Variants in SORCS1 observed in about 807,000 individuals in gnomAD.
SORCS1 encodes VPS10 domain-containing receptor SorCS1.
Under a neutral mutation model 146.1 loss-of-function variants are expected in SORCS1, and 60 were observed. That is an observed-to-expected ratio of 0.41 (90% CI 0.33 to 0.51). The LOEUF is 0.51. SORCS1 is among the 20% of genes least tolerant of loss of function. The pLI is 0.21. For synonymous variants in SORCS1, 637 were observed against 584.0 expected, an observed-to-expected ratio of 1.09 and a Z score of -1.31; for missense variants, 1,352 against 1,487.6, an observed-to-expected ratio of 0.91 and a Z score of 1.50.
At chr10:107,107,587 A>G (rs1461089115) in intron 1 of SORCS1, among the ~76,000 whole-genome samples, 5 of 152,206 alleles carry the variant, frequency 3.3e-5, no homozygotes, top group Non-Finnish European at 7.3e-5. Flanking sequence ...GTGGAATAAG[A>G]GCTCACCTAA....
intron 6 of SORCS1, among the ~76,000 whole-genome samples, chr10:106,711,229 TA>T (rs1444106111): frequency 7.9e-5 from 12 of 152,204 alleles, no homozygotes; most frequent in African/African-American, 2.4e-4. Flanking sequence ...CTTTTGAGTA[TA>T]AAAAAGGAGT....
chr10:107,136,132 G>C (rs1186183146), intron 1 of SORCS1, among the ~76,000 whole-genome samples: 1 of 151,942 alleles, frequency 6.6e-6, no homozygotes. Flanking sequence ...AAAAAATTGG[G>C]GAAGAAAAAA....
upstream of SORCS1, among the ~76,000 whole-genome samples, chr10:107,168,283 G>C (rs761513308): frequency 6.6e-6 from 1 of 152,126 alleles, no homozygotes; most frequent in Non-Finnish European, 1.5e-5. Context: ...CAACCTTAGA[G>C]AGACTTTTCC....
chr10:106,667,656 T>G (rs1018913144), intron 17 of SORCS1, 33 bp downstream of exon 17: 1 of 1,478,074 alleles, frequency 6.8e-7, no homozygotes, highest in Non-Finnish European at 9.5e-7. Context: ...CAGCAAAGGT[T>G]GGCCTCTCAA....
chr10:106,822,462 A>G (rs61182361), intron 3 of SORCS1, among the ~76,000 whole-genome samples: 27,916 of 152,088 alleles, frequency 0.18, 4,094 homozygotes, highest in African/African-American at 0.4. Context: ...CAAAGAGAGC[A>G]TTCTGCACTT....
intron 2 of SORCS1, among the ~76,000 whole-genome samples, chr10:106,855,071 CT>C (rs1949730673): frequency 6.6e-6 from 1 of 152,106 alleles, no homozygotes; most frequent in African/African-American, 2.4e-5. Flanking sequence ...AACAAACTTC[CT>C]CAACTTTTGT....
intron 2 of SORCS1, among the ~76,000 whole-genome samples, chr10:106,949,016 T>G (rs1384211602): frequency 1.3e-5 from 2 of 151,620 alleles, no homozygotes; most frequent in Non-Finnish European, 2.9e-5. Context: ...CAGCTCCAAG[T>G]GACACAAATA....
At chr10:106,823,136 G>A (rs1057139599) in intron 3 of SORCS1, among the ~76,000 whole-genome samples, 21 of 152,136 alleles carry the variant, frequency 1.4e-4, no homozygotes, top group Non-Finnish European at 2.9e-4. Context: ...GAGGCAAATG[G>A]ATGATCTTGT....
intron 9 of SORCS1, among the ~76,000 whole-genome samples, chr10:106,690,926 T>A (rs1853248569): frequency 6.6e-6 from 1 of 152,096 alleles, no homozygotes; most frequent in African/African-American, 2.4e-5. Flanking sequence ...AGTACTCTAT[T>A]CTAAGGTCTC....
chr10:107,094,549 C>T (rs1964420021), intron 1 of SORCS1, among the ~76,000 whole-genome samples: 1 of 152,166 alleles, frequency 6.6e-6, no homozygotes, highest in African/African-American at 2.4e-5. Flanking sequence ...TCACCTATGA[C>T]TTTCAAAAAA....
In SORCS1 at chr10:106,607,110, T is replaced by C. The variant is rs1589457245; in HGVS notation, c.3165+56A>G. The stretch of plus-strand genomic sequence containing the variant: ...GGGTCAGAAATGGAGGCTTAGAAAG[T>C]TGAAGACTCCACAAACGGTTGAAGC... On this transcript the variant is annotated intron_variant, in intron 23 of 25. Transcript: ENST00000263054. 1.9e-6 allele frequency: 3 copies of C among 1,593,874 alleles called. No homozygotes were observed. The East Asian group carries it at 6.7e-5, about 36-fold the overall frequency.
chr10:106,729,611 G>A (rs1856452262), intron 6 of SORCS1, among the ~76,000 whole-genome samples: 1 of 152,086 alleles, frequency 6.6e-6, no homozygotes, highest in South Asian at 2.1e-4. Flanking sequence ...GAGTTTGGAA[G>A]TATTCTCTTT....
At chr10:107,173,679 A>G in the SORCS1 span, among the ~76,000 whole-genome samples, 1 of 152,026 alleles carries the variant, frequency 6.6e-6, no homozygotes, top group Non-Finnish European at 1.5e-5. Flanking sequence ...TTGTTTTATC[A>G]TTTATATCTA....
intron 2 of SORCS1, among the ~76,000 whole-genome samples, chr10:106,879,478 T>C (rs1242862107): frequency 6.6e-6 from 1 of 152,186 alleles, no homozygotes; most frequent in Non-Finnish European, 1.5e-5. Flanking sequence ...TCCCTCCTCC[T>C]CTCCTAAAGA....
intron 2 of SORCS1, among the ~76,000 whole-genome samples, chr10:106,870,807 C>G (rs7919606): frequency 0.11 from 16,393 of 152,088 alleles, 1,527 homozygotes; most frequent in East Asian, 0.3. Flanking sequence ...GACACCAAAA[C>G]CTATTGCAAC....
intron 13 of SORCS1, among the ~76,000 whole-genome samples, chr10:106,676,425 T>C (rs1852030370): frequency 1.3e-5 from 2 of 151,988 alleles, no homozygotes; most frequent in Admixed American, 6.6e-5. Context: ...AATGCAAAAA[T>C]GGATATGGAT....
chr10:106,624,680 G>T (rs1487111609), intron 19 of SORCS1, among the ~76,000 whole-genome samples: 1 of 152,164 alleles, frequency 6.6e-6, no homozygotes, highest in Non-Finnish European at 1.5e-5. Context: ...TTTTCTAAGA[G>T]AAATTCAAGA....
At chr10:107,009,687 CAT>C (rs1222168409) in intron 1 of SORCS1, among the ~76,000 whole-genome samples, 3 of 152,160 alleles carry the variant, frequency 2.0e-5, no homozygotes, top group East Asian at 1.9e-4. Context: ...GATTTAAAAA[CAT>C]ATATATAATT....
intron 2 of SORCS1, among the ~76,000 whole-genome samples, chr10:106,897,267 C>T (rs1951526328): frequency 6.6e-6 from 1 of 151,978 alleles, no homozygotes; most frequent in Non-Finnish European, 1.5e-5. Context: ...TAGACTCAAG[C>T]AATCCTCCTG....
Sources: gnomAD v4.1 joint callset for allele counts (sites outside exome capture counted in the v4.1 genomes callset) on GRCh38, gnomAD v4.1.1 for gene constraint, MANE v1.5 for transcripts, NCBI Gene and HGNC (gene_info 2026-07-23, HGNC 2026-07-21) for gene names.